GCNT1: variants seen among roughly 807,000 people sequenced by gnomAD.
The protein encoded by GCNT1 is glucosaminyl (N-acetyl) transferase 1.
A neutral mutation model predicts 26.2 loss-of-function variants in GCNT1; 16 were observed. That is an observed-to-expected ratio of 0.61 (90% confidence interval 0.41 to 0.93). The LOEUF is 0.93. Ranked by LOEUF, GCNT1 falls within the 40% of genes least tolerant of loss-of-function variation. The probability of loss-of-function intolerance (pLI) is 0.00; values close to 1 mark genes in which losing one functional copy is unlikely to be tolerated. For missense variants in GCNT1, 477 were observed against 526.7 expected (o/e 0.91, Z 0.92); for synonymous variants, 183 against 190.8 (o/e 0.96, Z 0.34).
chr9:76,399,236 C>T, the GCNT1 span: 17 of 1,499,586 alleles, frequency 1.1e-5, no homozygotes, highest in East Asian at 2.3e-5. Context: ...GATGCTGGCT[C>T]GGGAAGTTCT....
chr9:76,493,126 A>G (rs1411577393), intron 2 of GCNT1, among the ~76,000 whole-genome samples: 3 of 152,180 alleles, frequency 2.0e-5, no homozygotes, highest in Non-Finnish European at 4.4e-5. Flanking sequence ...GGTGGACATC[A>G]TTGAATAATT....
chr9:76,401,006 G>T, the GCNT1 span, among the ~76,000 whole-genome samples: 1 of 152,196 alleles, frequency 6.6e-6, no homozygotes, highest in Non-Finnish European at 1.5e-5. Flanking sequence ...TAAAGCATTT[G>T]AAAGATTTAA....
chr9:76,432,883 G>A (rs1823356208), intron 1 of GCNT1, among the ~76,000 whole-genome samples: 1 of 151,862 alleles, frequency 6.6e-6, no homozygotes, highest in South Asian at 2.1e-4. Context: ...TTTCCTAATT[G>A]TTTTTTTACA....
intron 1 of GCNT1, among the ~76,000 whole-genome samples, chr9:76,428,977 G>A (rs1405743401): frequency 1.3e-5 from 2 of 152,080 alleles, no homozygotes; most frequent in Admixed American, 1.3e-4. Context: ...TGGGATTACA[G>A]GCATGAGCCA....
chr9:76,490,880 A>T (rs1189416586), intron 2 of GCNT1, among the ~76,000 whole-genome samples: 2 of 152,262 alleles, frequency 1.3e-5, no homozygotes, highest in African/African-American at 2.4e-5. Flanking sequence ...ATCCCCTGTA[A>T]GGAAACCTGC....
chr9:76,418,868 CT>C, upstream of GCNT1, among the ~76,000 whole-genome samples: 1 of 152,142 alleles, frequency 6.6e-6, no homozygotes, highest in East Asian at 1.9e-4. Context: ...ACTCAGTCTT[CT>C]TTTCTGTGAT....
chr9:76,454,849 T>C (rs1231108505), upstream of GCNT1, among the ~76,000 whole-genome samples: 3 of 140,006 alleles, frequency 2.1e-5, no homozygotes, highest in African/African-American at 5.2e-5. Context: ...TTTCTTTTTT[T>C]TTTTTTTTTT....
chr9:76,402,874 T>A, the GCNT1 span, among the ~76,000 whole-genome samples: 1 of 152,076 alleles, frequency 6.6e-6, no homozygotes, highest in Non-Finnish European at 1.5e-5. Context: ...GAGACGGGGT[T>A]TCACCCTGTT....
the GCNT1 span, among the ~76,000 whole-genome samples, chr9:76,397,373 T>TA: frequency 6.6e-6 from 1 of 152,120 alleles, no homozygotes; most frequent in African/African-American, 2.4e-5. Context: ...CTCCAATCTT[T>TA]AAAACTACCA....
chr9:76,478,581 C>T (rs1432856639), intron 2 of GCNT1, among the ~76,000 whole-genome samples: 2 of 152,198 alleles, frequency 1.3e-5, no homozygotes, highest in African/African-American at 2.4e-5. Context: ...GACACAATAG[C>T]ATATCTGTTT....
chr9:76,409,107 A>G, the GCNT1 span, among the ~76,000 whole-genome samples: 1 of 152,328 alleles, frequency 6.6e-6, no homozygotes, highest in Non-Finnish European at 1.5e-5. Context: ...TTCGAAGGTT[A>G]TAATTGTTCA....
chr9:76,400,807 G>A, the GCNT1 span, among the ~76,000 whole-genome samples: 7 of 152,190 alleles, frequency 4.6e-5, no homozygotes, highest in African/African-American at 1.7e-4. Flanking sequence ...ACTAAACAGA[G>A]AAGAGGAAAG....
At position 76,479,657 on chromosome 9, in the gene GCNT1, T is replaced by G. The variant is rs372250663; in HGVS notation, c.-290+19480T>G. On this transcript the variant is annotated intron_variant, in intron 2 of 3. Coordinates refer to ENST00000376730, the MANE Select transcript of GCNT1 (RefSeq NM_001490.5). The stretch of plus-strand genomic sequence containing the variant: ...TATGCCTGTTGGCTGCATAAATGTC[T>G]TCTTTTGAGAAGTGTCTGTTCATAT... 6.6e-5 allele frequency among the ~76,000 whole-genome samples: 10 copies of G among 152,380 alleles called. No individual in the cohort carries two copies. In the East Asian group the frequency reaches 9.6e-4, roughly 15 times the overall value.
chr9:76,466,545 T>G, intron 2 of GCNT1, among the ~76,000 whole-genome samples: 1 of 152,176 alleles, frequency 6.6e-6, no homozygotes, highest in South Asian at 2.1e-4. Context: ...TGAGGCAATC[T>G]GCCCACCTTG....
chr9:76,483,424 G>C (rs1440344219), intron 2 of GCNT1, among the ~76,000 whole-genome samples: 1 of 149,546 alleles, frequency 6.7e-6, no homozygotes, highest in Non-Finnish European at 1.5e-5. Context: ...ATTGTTTTTT[G>C]TTTTAATAGA....
chr9:76,501,522 C>T (rs1422196600), intron 3 of GCNT1, among the ~76,000 whole-genome samples: 2 of 152,124 alleles, frequency 1.3e-5, no homozygotes, highest in Non-Finnish European at 2.9e-5. Context: ...ATTATGAATA[C>T]TTTGTTTTCT....
rs1298642422 is a variant in GCNT1, at chr9:76,506,785, C to G, written c.*3117C>G. The G allele has an allele frequency of 1.2e-5, 2 of 166,954 alleles. No homozygotes were observed. The highest frequency in any genetic ancestry group is 4.8e-5 in the African/African-American group (2 of 41,412). 10.3% of individuals were successfully genotyped at this position (166,954 alleles called of 1,614,324 possible). On this transcript the variant is annotated 3_prime_UTR_variant, in exon 4 of 4. Coordinates refer to ENST00000376730, the MANE Select transcript of GCNT1 (RefSeq NM_001490.5). ...TATGTCATTTATTAAGTACAGTTCA[C>G]TTAAATAACATAAGTAGATTTTCTC... is the stretch of plus-strand genomic sequence containing the variant.
chr9:76,464,030 C>CTT (rs1192946211), intron 2 of GCNT1, among the ~76,000 whole-genome samples: 32 of 128,386 alleles, frequency 2.5e-4, no homozygotes, highest in East Asian at 8.9e-4. Flanking sequence ...ACTCCCATCT[C>CTT]TTTTTTTGTT....
At chr9:76,408,249 G>A in the GCNT1 span, among the ~76,000 whole-genome samples, 1 of 152,044 alleles carries the variant, frequency 6.6e-6, no homozygotes, top group African/African-American at 2.4e-5. Flanking sequence ...TTAGCTGTGG[G>A]GTGTTTTTGT....
Sources: allele counts gnomAD v4.1 joint callset (sites outside exome capture counted in the v4.1 genomes callset), GRCh38; gene constraint gnomAD v4.1.1; transcripts MANE v1.5; gene names NCBI Gene and HGNC (gene_info 2026-07-23, HGNC 2026-07-21).